SOBP: variants seen among roughly 807,000 people sequenced by gnomAD.
SOBP encodes the protein sine oculis binding protein homolog.
In SOBP, 4 loss-of-function variants were observed where a neutral mutation model predicts 53.6. The observed-to-expected ratio is 0.07, with a 90% CI of 0.04 to 0.17. SOBP has a LOEUF of 0.17. Among genes scored for constraint, SOBP ranks in the 10% least tolerant of loss-of-function variants. SOBP has a pLI of 1.00. For missense variants in SOBP, 1,088 were observed against 1,204.7 expected, an observed-to-expected ratio of 0.90 and a Z score of 1.43; for synonymous variants, 584 against 522.6, an observed-to-expected ratio of 1.12 and a Z score of -1.60.
At chr6:107,598,244 G>T (rs1348828390) in intron 5 of SOBP, among the ~76,000 whole-genome samples, 1 of 152,202 alleles carries the variant, frequency 6.6e-6, no homozygotes, top group Non-Finnish European at 1.5e-5. Context: ...AGTGCCAGAT[G>T]GTGTGGCATG....
intron 4 of SOBP, among the ~76,000 whole-genome samples, chr6:107,548,263 T>G (rs951590283): frequency 2.5e-4 from 38 of 151,932 alleles, no homozygotes; most frequent in Admixed American, 1.7e-3. Flanking sequence ...TTTTTGTTTT[T>G]TTTTTTTTGA....
At chr6:107,570,906 A>G (rs1325737029) in intron 4 of SOBP, among the ~76,000 whole-genome samples, 1 of 152,234 alleles carries the variant, frequency 6.6e-6, no homozygotes, top group African/African-American at 2.4e-5. Context: ...TTGGGCCAAT[A>G]AAAATGCAAT....
intron 6 of SOBP, among the ~76,000 whole-genome samples, chr6:107,641,735 A>G (rs979772361): frequency 2.6e-5 from 4 of 152,314 alleles, no homozygotes; most frequent in South Asian, 4.1e-4. Context: ...CCTGTGCACC[A>G]TGTTCAATCA....
intron 5 of SOBP, among the ~76,000 whole-genome samples, chr6:107,590,284 G>A (rs983142345): frequency 1.1e-4 from 16 of 152,272 alleles, no homozygotes; most frequent in Admixed American, 3.9e-4. Context: ...CTAGTGAGAA[G>A]AAGAGGAACA....
At chr6:107,505,059 A>G (rs199912300) in intron 2 of SOBP, among the ~76,000 whole-genome samples, 18 of 152,224 alleles carry the variant, frequency 1.2e-4, no homozygotes, top group South Asian at 6.2e-4. Context: ...CACAAAGCTC[A>G]TATCGTTGTA....
chr6:107,539,372 A>G (rs571043464), intron 4 of SOBP, among the ~76,000 whole-genome samples: 1 of 152,310 alleles, frequency 6.6e-6, no homozygotes, highest in South Asian at 2.1e-4. Context: ...GAAGGAAGAG[A>G]GGGAGTTTTT....
chr6:107,588,076 A>G (rs1188297097), intron 5 of SOBP, among the ~76,000 whole-genome samples: 2 of 152,242 alleles, frequency 1.3e-5, no homozygotes, highest in African/African-American at 2.4e-5. Flanking sequence ...GAAAACACTG[A>G]AAGAGAATGA....
rs746770244 is a variant in SOBP, at chr6:107,634,270, C to T, written c.1426C>T (p.Leu476=). 12 of 1,556,982 alleles carry T rather than the reference C, an allele frequency of 7.7e-6. No individual in the cohort carries two copies. The East Asian group carries it at 9.6e-5, about 12-fold the overall frequency. Residue 476 remains leucine (L), a synonymous_variant, in exon 6 of 7, where the codon CTG becomes TTG. Coordinates refer to ENST00000317357, the MANE Select transcript of SOBP (RefSeq NM_018013.4). This position sits in a 1 kb window ranked among gnomAD's most constrained non-coding sequence, Gnocchi z 4.5. Reference sequence around the variant, plus strand: ...CATGCCCGGGAACCCCCCAGGCCTGCTGCCCCCGCCGCCTCCGGGCGCCCC... The same window carrying T: ...CATGCCCGGGAACCCCCCAGGCCTGTTGCCCCCGCCGCCTCCGGGCGCCCC... The part of the protein sequence containing the change: ...PTMPGNPPGL[L]PPPPPGAPLP...
chr6:107,654,243 G>A (rs941452120), intron 6 of SOBP, among the ~76,000 whole-genome samples: 1 of 152,212 alleles, frequency 6.6e-6, no homozygotes, highest in African/African-American at 2.4e-5. Flanking sequence ...CATAGTACAT[G>A]TATGATACAT....
At chr6:107,657,759 C>G (rs1728240919) in intron 6 of SOBP, among the ~76,000 whole-genome samples, 2 of 151,584 alleles carry the variant, frequency 1.3e-5, no homozygotes, top group African/African-American at 2.4e-5. Flanking sequence ...AGGAGAATCA[C>G]TTGAAACTGG....
rs139244630 is a variant in SOBP, at chr6:107,510,057, A to T, written c.421+3630A>T. 2.7e-3 allele frequency among the ~76,000 whole-genome samples: 409 copies of T among 152,340 alleles called. 3 individuals are homozygous for T. Among genetic ancestry groups the T allele is most frequent in the African/African-American group, 8.9e-3 (370 of 41,572 alleles). On this transcript the variant is annotated intron_variant, in intron 3 of 6. Coordinates refer to ENST00000317357, the MANE Select transcript of SOBP (RefSeq NM_018013.4). ...AGTTGAATTTTGATTTAGTCATACT[A>T]TCTAGGGCAGGGGTCTGCAAACCTT...
At chr6:107,593,845 T>C (rs1583249340) in intron 5 of SOBP, among the ~76,000 whole-genome samples, 1 of 152,192 alleles carries the variant, frequency 6.6e-6, no homozygotes, top group African/African-American at 2.4e-5. Flanking sequence ...CCCAGTTTGT[T>C]TGGATAAAAA....
At chr6:107,571,587 A>C (rs1663380011) in intron 4 of SOBP, among the ~76,000 whole-genome samples, 1 of 152,214 alleles carries the variant, frequency 6.6e-6, no homozygotes, top group African/African-American at 2.4e-5. Flanking sequence ...ATTTCAACAC[A>C]AACTGTGACT....
Position 107,615,013 on chromosome 6 carries a change from G to A in SOBP, c.670-18501G>A, listed in dbSNP as rs143130895. 4.5e-3 allele frequency among the ~76,000 whole-genome samples: 681 copies of A among 152,244 alleles called. 2 individuals are homozygous for A. Among genetic ancestry groups the A allele is most frequent in the South Asian group, 8.9e-3 (43 of 4,814 alleles). On this transcript the variant is annotated intron_variant, in intron 5 of 6. Transcript: ENST00000317357. Reference sequence around the variant, plus strand: ...CTGTGTACTGCTCTGACCTACTGGCGTCTCTCTTTTTATGCTGATAATTAG... The same window carrying A: ...CTGTGTACTGCTCTGACCTACTGGCATCTCTCTTTTTATGCTGATAATTAG...
intron 6 of SOBP, among the ~76,000 whole-genome samples, chr6:107,644,766 A>G (rs1323657114): frequency 2.0e-5 from 3 of 152,218 alleles, no homozygotes; most frequent in African/African-American, 7.2e-5. Context: ...ACATAGATCA[A>G]ATTTCTTTTA....
chr6:107,636,092 C>T (rs1771028763), intron 6 of SOBP: 1 of 168,998 alleles, frequency 5.9e-6, no homozygotes, highest in Admixed American at 5.5e-5. Context: ...CTTTCCTGTT[C>T]ATGGGGTCTC....
At chr6:107,535,615 G>T (rs1192899504) in intron 4 of SOBP, among the ~76,000 whole-genome samples, 1 of 140,608 alleles carries the variant, frequency 7.1e-6, no homozygotes, top group Non-Finnish European at 1.5e-5. Context: ...ATGCCTTCTT[G>T]TGTGTGTGTG....
chr6:107,642,625 CAA>C (rs1771380390), intron 6 of SOBP, among the ~76,000 whole-genome samples: 1 of 152,154 alleles, frequency 6.6e-6, no homozygotes, highest in Non-Finnish European at 1.5e-5. Context: ...AGGGCTGGGG[CAA>C]ATCAAAGCTT....
At chr6:107,594,760 C>G (rs930654727) in intron 5 of SOBP, among the ~76,000 whole-genome samples, 1 of 152,190 alleles carries the variant, frequency 6.6e-6, no homozygotes, top group African/African-American at 2.4e-5. Flanking sequence ...TTTTAAGGCC[C>G]TTTATTCTCA....
Sources: gnomAD v4.1 joint callset for allele counts (sites outside exome capture counted in the v4.1 genomes callset) on GRCh38, gnomAD v4.1.1 for gene constraint, Gnocchi (gnomAD v3.1) non-coding constraint, MANE v1.5 for transcripts, NCBI Gene and HGNC (gene_info 2026-07-23, HGNC 2026-07-21) for gene names.